Variants in RPS6KC1 observed in about 807,000 individuals in gnomAD.
The protein encoded by RPS6KC1 is ribosomal protein S6 kinase C1.
In RPS6KC1, 54 loss-of-function variants were observed where a neutral mutation model predicts 103.8. The ratio of observed to expected loss-of-function variants is 0.52; its 90% confidence interval spans 0.42 to 0.65. The LOEUF is 0.65. RPS6KC1 is among the 30% of genes least tolerant of loss of function. The pLI, the probability that RPS6KC1 is intolerant of heterozygous loss-of-function variation, is 0.00. For missense variants in RPS6KC1, 1,151 were observed against 1,253.8 expected, an observed-to-expected ratio of 0.92 and a Z score of 1.24; for synonymous variants, 439 against 438.7, an observed-to-expected ratio of 1.00 and a Z score of -0.01.
the RPS6KC1 span, among the ~76,000 whole-genome samples, chr1:213,860,442 A>G: frequency 9.2e-5 from 14 of 152,126 alleles, no homozygotes; most frequent in Non-Finnish European, 1.9e-4. Context: ...GAGAAATACC[A>G]TAATAAGAGC....
At chr1:213,645,901 A>G in the RPS6KC1 span, among the ~76,000 whole-genome samples, 2 of 152,206 alleles carry the variant, frequency 1.3e-5, no homozygotes, top group Non-Finnish European at 2.9e-5. Context: ...GAAAGAAATC[A>G]GGCCACACTT....
chr1:213,708,483 C>T, the RPS6KC1 span, among the ~76,000 whole-genome samples: 1 of 151,952 alleles, frequency 6.6e-6, no homozygotes, highest in Non-Finnish European at 1.5e-5. Context: ...CTTATCAGAG[C>T]CTAGGATTGC....
At chr1:213,713,250 AG>A in the RPS6KC1 span, among the ~76,000 whole-genome samples, 4 of 151,900 alleles carry the variant, frequency 2.6e-5, no homozygotes, top group Admixed American at 2.0e-4. Context: ...GATGTATAAA[AG>A]TTTCATATCG....
the RPS6KC1 span, among the ~76,000 whole-genome samples, chr1:213,780,245 G>A: frequency 1.3e-5 from 2 of 152,268 alleles, no homozygotes; most frequent in African/African-American, 2.4e-5. Flanking sequence ...CTTGACCCCC[G>A]GGTAGGTATA....
the RPS6KC1 span, among the ~76,000 whole-genome samples, chr1:213,831,458 T>C: frequency 6.6e-6 from 1 of 152,128 alleles, no homozygotes; most frequent in African/African-American, 2.4e-5. Context: ...GGCAATGAGT[T>C]CTCCCCTGAA....
intron 3 of RPS6KC1, among the ~76,000 whole-genome samples, chr1:213,078,230 T>TC (rs2079526588): frequency 8.4e-6 from 1 of 119,646 alleles, no homozygotes; most frequent in South Asian, 2.9e-4. Context: ...ACCTTAGTAT[T>TC]CTTTTTTTTT....
At chr1:213,645,150 T>C in the RPS6KC1 span, among the ~76,000 whole-genome samples, 1 of 152,144 alleles carries the variant, frequency 6.6e-6, no homozygotes, top group African/African-American at 2.4e-5. Context: ...GTCTGGGATG[T>C]AGTAAACACA....
At chr1:213,364,557 C>T in the RPS6KC1 span, among the ~76,000 whole-genome samples, 1 of 152,138 alleles carries the variant, frequency 6.6e-6, no homozygotes, top group Non-Finnish European at 1.5e-5. Flanking sequence ...CTCTCTTCTG[C>T]ATTCCTCACT....
the RPS6KC1 span, among the ~76,000 whole-genome samples, chr1:213,623,878 A>G: frequency 2.0e-5 from 3 of 152,300 alleles, no homozygotes; most frequent in South Asian, 6.2e-4. Flanking sequence ...CTGTCATCTT[A>G]CCTTCCATCC....
chr1:213,114,592 T>C (rs1452518189), intron 4 of RPS6KC1, among the ~76,000 whole-genome samples: 8 of 151,776 alleles, frequency 5.3e-5, no homozygotes, highest in African/African-American at 1.9e-4. Context: ...TCCAACACTA[T>C]GTTGAATAGG....
At chr1:213,213,817 A>C (rs1236881486) in intron 8 of RPS6KC1, among the ~76,000 whole-genome samples, 1 of 152,202 alleles carries the variant, frequency 6.6e-6, no homozygotes, top group African/African-American at 2.4e-5. Flanking sequence ...AGATAAACTT[A>C]ACTCTGGTAG....
At chr1:213,405,198 C>T in the RPS6KC1 span, among the ~76,000 whole-genome samples, 1 of 152,208 alleles carries the variant, frequency 6.6e-6, no homozygotes, top group African/African-American at 2.4e-5. Flanking sequence ...AGTAGGGCTA[C>T]CCATTTGGGC....
chr1:213,435,791 T>G, the RPS6KC1 span, among the ~76,000 whole-genome samples: 1 of 152,222 alleles, frequency 6.6e-6, no homozygotes, highest in Non-Finnish European at 1.5e-5. Context: ...GTTAAATACT[T>G]GATGGGAACT....
intron 6 of RPS6KC1, among the ~76,000 whole-genome samples, chr1:213,149,776 A>T (rs1263331599): frequency 6.6e-6 from 1 of 152,204 alleles, no homozygotes; most frequent in Non-Finnish European, 1.5e-5. Flanking sequence ...ATTGGGGCCT[A>T]TCTCTCTTGT....
intron 12 of RPS6KC1, among the ~76,000 whole-genome samples, chr1:213,256,848 A>G (rs1573641919): frequency 1.3e-5 from 2 of 152,280 alleles, no homozygotes; most frequent in South Asian, 2.1e-4. Flanking sequence ...ACAGAAACCA[A>G]TACAGGAATC....
At chr1:213,494,734 T>C in the RPS6KC1 span, among the ~76,000 whole-genome samples, 1 of 151,856 alleles carries the variant, frequency 6.6e-6, no homozygotes, top group Non-Finnish European at 1.5e-5. Flanking sequence ...ACAGAATAAA[T>C]GGAAAGTAAT....
chr1:213,321,425 G>A, the RPS6KC1 span, among the ~76,000 whole-genome samples: 1 of 152,152 alleles, frequency 6.6e-6, no homozygotes, highest in Non-Finnish European at 1.5e-5. Context: ...ACAATGCCTG[G>A]CACTTAATCA....
the RPS6KC1 span, among the ~76,000 whole-genome samples, chr1:213,533,496 G>A: frequency 0.07 from 10,683 of 152,182 alleles, 939 homozygotes; most frequent in African/African-American, 0.21. Flanking sequence ...ATGGATAACT[G>A]TAACTTTCTG....
intron 14 of RPS6KC1, among the ~76,000 whole-genome samples, chr1:213,265,682 G>C (rs1187030221): frequency 6.6e-6 from 1 of 152,148 alleles, no homozygotes; most frequent in African/African-American, 2.4e-5. Context: ...GAGCAATTAG[G>C]TTTAATCAAC....
Sources: allele counts gnomAD v4.1 joint callset (sites outside exome capture counted in the v4.1 genomes callset), GRCh38; gene constraint gnomAD v4.1.1; transcripts MANE v1.5; gene names NCBI Gene and HGNC (gene_info 2026-07-23, HGNC 2026-07-21).